The following ZC3H12A variants were observed in gnomAD, a reference collection of about 807,000 sequenced individuals.
ZC3H12A encodes the protein endoribonuclease ZC3H12A.
A neutral mutation model predicts 29.9 loss-of-function variants in ZC3H12A; 9 were observed. That is an observed-to-expected ratio of 0.30 (90% confidence interval 0.18 to 0.53). The LOEUF is 0.53. Ranked by LOEUF, ZC3H12A falls within the 20% of genes least tolerant of loss-of-function variation. The pLI is 0.96. For synonymous variants in ZC3H12A, 323 were observed against 338.1 expected (o/e 0.96, Z 0.49); for missense variants, 617 against 799.0 (o/e 0.77, Z 2.75).
rs894917606 is a variant in ZC3H12A at position 37,480,561 on chromosome 1, T to C, written c.583+132T>C. On this transcript the variant is annotated intron_variant, in intron 3 of 5. Coordinates refer to ENST00000373087, the MANE Select transcript of ZC3H12A (RefSeq NM_025079.3). ...GGACCAGCATTTCTTTTCTCAGTTT[T>C]TTCTGTCCTTAGCAACCTGCTCTGA... 6 of 1,306,712 alleles carry C rather than the reference T, an allele frequency of 4.6e-6. No individual in the cohort carries two copies. The Admixed American group carries it at 1.7e-4, about 37-fold the overall frequency. 80.9% of individuals were successfully genotyped at this position (1,306,712 alleles called of 1,614,324 possible). A position where few individuals can be genotyped will look rare whatever the true frequency, so the allele number is the denominator to read the frequency against.
At position 37,482,770 on chromosome 1, in the gene ZC3H12A, T is replaced by G; in HGVS notation, c.959T>G (p.Phe320Cys). The G allele has an allele frequency of 6.2e-7, 1 of 1,614,118 alleles. No individual in the cohort carries two copies. Among genetic ancestry groups the G allele is most frequent in the Non-Finnish European group, 8.5e-7 (1 of 1,180,018 alleles). ...TGCACCTATGGGATCAAGTGCCGAT[T>G]CTTCCACCCAGAGCGGCCAAGCTGC... ...RKCTYGIKCR[F>C]FHPERPSCPQ... The change falls in exon 6 of 6, where the codon TTC (phenylalanine) becomes TGC (cysteine). Residue 320 changes from phenylalanine to cysteine, a missense_variant. This residue lies in a region of ZC3H12A where 255 missense variants were observed against 402.5 expected (regional missense o/e 0.63). Coordinates refer to ENST00000373087, the MANE Select transcript of ZC3H12A (RefSeq NM_025079.3).
In ZC3H12A at chr1:37,479,059, T is replaced by G. The variant is rs1641646819; in HGVS notation, c.444-1231T>G. ...CACCCCTTACCTCCCCCACTCCCATTAAAGACACCCACAGGATGTGGTTGG... is the reference window on the plus strand; with the variant it reads ...CACCCCTTACCTCCCCCACTCCCATGAAAGACACCCACAGGATGTGGTTGG... On this transcript the variant is annotated intron_variant, in intron 2 of 5. Coordinates refer to ENST00000373087, the MANE Select transcript of ZC3H12A (RefSeq NM_025079.3). The surrounding 1 kb of genome is among the most constrained non-coding windows in gnomAD (Gnocchi z 4.5). The G allele has an allele frequency of 2.0e-6, 2 of 985,128 alleles. No homozygotes were observed. The highest frequency in any genetic ancestry group is 2.3e-4 in the East Asian group (2 of 8,816). The allele number at this position is 985,128 out of a possible 1,614,324, so 61.0% of individuals were successfully genotyped here. A position where few individuals can be genotyped will look rare whatever the true frequency, so the allele number is the denominator to read the frequency against.
chr1:37,481,579 G>C (rs749155977), intron 3 of ZC3H12A, 22 bp from the exon 4 acceptor site: 4 of 1,613,210 alleles, frequency 2.5e-6, no homozygotes, highest in Admixed American at 1.7e-5. Flanking sequence ...GCCCTGACCT[G>C]TGTGCACCCG....
rs115029167 is a variant in ZC3H12A, at chr1:37,481,018, G to T, written c.584-583G>T. ...GCCTTTGGAGGTAAAAACTGAATCA[G>T]TTTCTCTAGAAGTCTTGAGATCTGG... On this transcript the variant is annotated intron_variant, in intron 3 of 5. Transcript: ENST00000373087. 4.9e-3 allele frequency among the ~76,000 whole-genome samples: 741 copies of T among 152,338 alleles called. 8 individuals are homozygous for T. Among genetic ancestry groups the T allele is most frequent in the African/African-American group, 0.016 (681 of 41,582 alleles).
Position 37,479,153 on chromosome 1 carries a change from T to C in ZC3H12A, c.444-1137T>C, listed in dbSNP as rs1641649149. The C allele has an allele frequency of 8.1e-6, 8 of 985,332 alleles. No homozygotes were observed. Among genetic ancestry groups the C allele is most frequent in the Non-Finnish European group, 9.6e-6 (8 of 829,946 alleles). The allele number at this position is 985,332 out of a possible 1,614,324, so 61.0% of individuals were successfully genotyped here. ...TGCCAAATACGAGAGTCTAAGCTGT[T>C]CACTGAGGGGGCAGTGAGACGTGGG... On this transcript the variant is annotated intron_variant, in intron 2 of 5. Coordinates refer to ENST00000373087, the MANE Select transcript of ZC3H12A (RefSeq NM_025079.3). This position sits in a 1 kb window ranked among gnomAD's most constrained non-coding sequence, Gnocchi z 4.5.
chr1:37,483,027 G>A lies in ZC3H12A; in HGVS notation c.1216G>A (p.Ala406Thr), dbSNP rs370603018. 2.4e-5 allele frequency: 39 copies of A among 1,606,912 alleles called. No individual in the cohort carries two copies. Among genetic ancestry groups the A allele is most frequent in the East Asian group, 9.0e-5 (4 of 44,538 alleles). The stretch of plus-strand genomic sequence containing the variant: ...CTATGCCCCATCAGGCAGGAGCCTC[G>A]CACCTAGCGGGGGCAGTGGCAGCAG... ...QTYAPSGRSL[A>T]PSGGSGSSFG... Residue 406 changes from alanine to threonine, a missense_variant, in exon 6 of 6, where the codon GCA becomes ACA. This residue lies in a region of ZC3H12A where 115 missense variants were observed against 112.5 expected (regional missense o/e 1.02). Transcript: ENST00000373087.
chr1:37,475,104 A>C lies in ZC3H12A; in HGVS notation c.-38-355A>C, dbSNP rs992841045. The stretch of plus-strand genomic sequence containing the variant: ...GGCCCCGCAACGCACTTCCAGCCCC[A>C]GGATTCCATCTGAGAGCCCCGTCCC... On this transcript the variant is annotated intron_variant, in intron 1 of 5. Coordinates refer to ENST00000373087, the MANE Select transcript of ZC3H12A (RefSeq NM_025079.3). The surrounding 1 kb of genome is among the most constrained non-coding windows in gnomAD (Gnocchi z 5.2). Among the ~76,000 whole-genome samples, 1 of 152,248 alleles carries C rather than the reference A, an allele frequency of 6.6e-6. No homozygotes were observed. The highest frequency in any genetic ancestry group is 6.5e-5 in the Admixed American group (1 of 15,296).
intron 3 of ZC3H12A, among the ~76,000 whole-genome samples, chr1:37,480,794 G>A (rs1453711238): frequency 6.6e-6 from 1 of 152,014 alleles, no homozygotes; most frequent in Non-Finnish European, 1.5e-5. Context: ...GCCTGGACAG[G>A]GACCCCTCTT....
At position 37,478,310 on chromosome 1, in the gene ZC3H12A, T is replaced by C. The variant is rs758154931; in HGVS notation, c.444-1980T>C. On this transcript the variant is annotated intron_variant, in intron 2 of 5. Transcript: ENST00000373087. This position sits in a 1 kb window ranked among gnomAD's most constrained non-coding sequence, Gnocchi z 5.2. ...AAGAGCAGGAGTTTGCCAGCAGCAT[T>C]GTTTCTCCCGTTCGCCACCTGTCTC... 3.3e-5 allele frequency among the ~76,000 whole-genome samples: 5 copies of C among 152,200 alleles called. No individual in the cohort carries two copies. The highest frequency in any genetic ancestry group is 7.4e-5 in the Non-Finnish European group (5 of 68,016).
rs763513190 is a variant in ZC3H12A, at chr1:37,481,788, G to A, written c.771G>A (p.Lys257=). The A allele has an allele frequency of 8.7e-6, 14 of 1,614,244 alleles. No individual in the cohort carries two copies. Among genetic ancestry groups the A allele is most frequent in the Non-Finnish European group, 1.2e-5 (14 of 1,180,042 alleles). Residue 257 remains lysine (K), a synonymous_variant, in exon 4 of 6, where the codon AAG becomes AAA. Coordinates refer to ENST00000373087, the MANE Select transcript of ZC3H12A (RefSeq NM_025079.3). ...TCCAAGGCGAGCGGCAGGAGTGGAA[G>A]CGCTTCATCGAGGAGCGGCTGCTCA... is the stretch of plus-strand genomic sequence containing the variant. ...RDLQGERQEW[K]RFIEERLLMY...
At chr1:37,481,564 G>T in intron 3 of ZC3H12A, 37 bp from the exon 4 acceptor site, 1 of 1,605,762 alleles carries the variant, frequency 6.2e-7, no homozygotes, top group Non-Finnish European at 8.5e-7. Flanking sequence ...TCTAGGTCCC[G>T]CTGGGCCCTG....
In ZC3H12A at chr1:37,483,669, T is replaced by G; in HGVS notation, c.*58T>G. ...GCCTCCAAGGGCCGTCAGGCTGGGCTTTGGGCCATTGAGCAGCCCATTCCC... is the reference window on the plus strand; with the variant it reads ...GCCTCCAAGGGCCGTCAGGCTGGGCGTTGGGCCATTGAGCAGCCCATTCCC... On this transcript the variant is annotated 3_prime_UTR_variant, in exon 6 of 6. Transcript: ENST00000373087. The G allele has an allele frequency of 6.7e-7, 1 of 1,498,810 alleles. No individual in the cohort carries two copies. 92.8% of individuals were successfully genotyped at this position (1,498,810 alleles called of 1,614,324 possible). A position where few individuals can be genotyped will look rare whatever the true frequency, so the allele number is the denominator to read the frequency against.
chr1:37,483,662 G>T lies in ZC3H12A; in HGVS notation c.*51G>T, dbSNP rs369628768. The T allele has an allele frequency of 7.9e-6, 12 of 1,511,756 alleles. No homozygotes were observed. In the African/African-American group the frequency reaches 1.2e-4, roughly 16 times the overall value. 93.6% of individuals were successfully genotyped at this position (1,511,756 alleles called of 1,614,324 possible). A position where few individuals can be genotyped will look rare whatever the true frequency, so the allele number is the denominator to read the frequency against. On this transcript the variant is annotated 3_prime_UTR_variant, in exon 6 of 6. Transcript: ENST00000373087. ...ACCCCCAGCCTCCAAGGGCCGTCAG[G>T]CTGGGCTTTGGGCCATTGAGCAGCC...
chr1:37,478,033 CTAGGAT>C lies in ZC3H12A; in HGVS notation c.443+2095_443+2100del, dbSNP rs1164099687. On this transcript the variant is annotated intron_variant, in intron 2 of 5. Coordinates refer to ENST00000373087, the MANE Select transcript of ZC3H12A (RefSeq NM_025079.3). The surrounding 1 kb of genome is among the most constrained non-coding windows in gnomAD (Gnocchi z 5.2). ...GTTCCCAGTGCTCCAAGATACTAGC[CTAGGAT>C]CATGTGCCCGGAGGGAGGCAGGTGG... Among the ~76,000 whole-genome samples the C allele has an allele frequency of 1.3e-5, 2 of 152,156 alleles. No homozygotes were observed. The highest frequency in any genetic ancestry group is 6.5e-5 in the Admixed American group (1 of 15,276).
At chr1:37,481,869 G>A in intron 4 of ZC3H12A, 34 bp downstream of exon 4, 2 of 1,587,110 alleles carry the variant, frequency 1.3e-6, no homozygotes, top group South Asian at 1.1e-5. Flanking sequence ...GACAGACTTG[G>A]GGTCCACAGG....
rs1641709287 is a variant in ZC3H12A at position 37,481,683 on chromosome 1, G to A, written c.666G>A (p.Val222=). ...GACGCGTGGGTGGCAAGCGGGTGGTGTGCTATGACGACAGATTCATTGTGA... is the reference window on the plus strand; with the variant it reads ...GACGCGTGGGTGGCAAGCGGGTGGTATGCTATGACGACAGATTCATTGTGA... ...PSRRVGGKRV[V]CYDDRFIVKL... is the part of the protein sequence containing the mutation. Residue 222 remains valine, a synonymous_variant, in exon 4 of 6, where the codon GTG becomes GTA. Coordinates refer to ENST00000373087, the MANE Select transcript of ZC3H12A (RefSeq NM_025079.3). 2.5e-6 allele frequency: 4 copies of A among 1,614,250 alleles called. No homozygotes were observed. The highest frequency in any genetic ancestry group is 3.4e-6 in the Non-Finnish European group (4 of 1,180,044).
Position 37,476,043 on chromosome 1 carries a change from A to T in ZC3H12A, c.443+104A>T. 1 of 1,229,912 alleles carries T rather than the reference A, an allele frequency of 8.1e-7. No individual in the cohort carries two copies. The highest frequency in any genetic ancestry group is 1.1e-6 in the Non-Finnish European group (1 of 916,544). 76.2% of individuals were successfully genotyped at this position (1,229,912 alleles called of 1,614,324 possible). Reference sequence around the variant, plus strand: ...TCTGCAGCTCTGGTGGGCTGGAAGAAGTGACTTCCTTCTTAGGGACTGGTC... The same window carrying T: ...TCTGCAGCTCTGGTGGGCTGGAAGATGTGACTTCCTTCTTAGGGACTGGTC... On this transcript the variant is annotated intron_variant, in intron 2 of 5. Transcript: ENST00000373087. The surrounding 1 kb of genome is among the most constrained non-coding windows in gnomAD (Gnocchi z 6.0).
chr1:37,474,873 C>A (rs1458131266), intron 1 of ZC3H12A, among the ~76,000 whole-genome samples: 1 of 152,144 alleles, frequency 6.6e-6, no homozygotes, highest in East Asian at 1.9e-4. Context: ...GCCGAGCAAG[C>A]GCGGGTCTCG....
At chr1:37,482,020 C>T (rs1301405882) in intron 4 of ZC3H12A, among the ~76,000 whole-genome samples, 185 bp downstream of exon 4, 3 of 152,126 alleles carry the variant, frequency 2.0e-5, no homozygotes, top group East Asian at 1.9e-4. Flanking sequence ...GAAATCAGAC[C>T]GGGACCAGGC....
Sources: allele counts gnomAD v4.1 joint callset (sites outside exome capture counted in the v4.1 genomes callset), GRCh38; gene constraint gnomAD v4.1.1; regional missense constraint gnomAD v4.1.1; non-coding constraint Gnocchi (gnomAD v3.1); transcripts MANE v1.5; gene names NCBI Gene and HGNC (gene_info 2026-07-23, HGNC 2026-07-21).